Variants in SLC41A2 observed in about 807,000 individuals in gnomAD.
SLC41A2 encodes the protein SLC41A1-like 1.
In SLC41A2, 32 loss-of-function variants were observed where a neutral mutation model predicts 58.3. That is an observed-to-expected ratio of 0.55 (90% confidence interval 0.41 to 0.74). The LOEUF (loss-of-function observed/expected upper bound fraction) is 0.74. SLC41A2 is among the 30% of genes least tolerant of loss of function. The pLI is 0.00. For missense variants in SLC41A2, 514 were observed against 680.6 expected, an observed-to-expected ratio of 0.76 and a Z score of 2.72; for synonymous variants, 190 against 235.0, an observed-to-expected ratio of 0.81 and a Z score of 1.75.
intron 5 of SLC41A2, 139 bp downstream of exon 5, chr12:104,888,894 T>G: frequency 2.3e-6 from 2 of 874,684 alleles, no homozygotes; most frequent in Non-Finnish European, 3.3e-6. Context: ...CTGGAATAAC[T>G]AAGGCATTTT....
intron 8 of SLC41A2, among the ~76,000 whole-genome samples, chr12:104,852,559 T>C (rs1279369299): frequency 6.6e-6 from 1 of 152,182 alleles, no homozygotes; most frequent in Non-Finnish European, 1.5e-5. Context: ...ATAATAAATA[T>C]AAACAGTCTT....
At chr12:104,843,239 GAC>G (rs962011348) in intron 10 of SLC41A2, among the ~76,000 whole-genome samples, 2 of 151,500 alleles carry the variant, frequency 1.3e-5, no homozygotes, top group African/African-American at 4.8e-5. Context: ...TAGACTACGA[GAC>G]CTTGAGCACA....
chr12:104,853,916 T>A lies in SLC41A2; in HGVS notation c.1255+7375A>T, dbSNP rs1470494506. 2.2e-3 allele frequency among the ~76,000 whole-genome samples: 244 copies of A among 110,678 alleles called. 2 individuals are homozygous for A. Among genetic ancestry groups the A allele is most frequent in the South Asian group, 4.0e-3 (14 of 3,490 alleles). The allele number at this position is 110,678 out of a possible 152,430, so 72.6% of individuals were successfully genotyped here. A position where few individuals can be genotyped will look rare whatever the true frequency, so the allele number is the denominator to read the frequency against. ...CATGTCACCATGCCTGGCTGATTTT[T>A]TTTTTTTTTTTTTTTTTTTTTTTAG... is the stretch of plus-strand genomic sequence containing the variant. On this transcript the variant is annotated intron_variant, in intron 8 of 10. Transcript: ENST00000258538.
chr12:104,928,420 G>A lies in SLC41A2; in HGVS notation c.108C>T (p.Asp36=), dbSNP rs773672546. The A allele has an allele frequency of 2.6e-6, 4 of 1,554,708 alleles. No homozygotes were observed. The South Asian group carries it at 4.7e-5, about 18-fold the overall frequency. The change falls in exon 2 of 11, where the codon GAC becomes GAT. Residue 36 remains aspartate (D), a synonymous_variant. Transcript: ENST00000258538. ...WTLRLNTIQS[D]KFLNLLLSMV... ...TACTCAAGAGTAAATTTAAAAACTTGTCGGATTGAATTGTGTTTAAACGTA... is the reference window on the plus strand; with the variant it reads ...TACTCAAGAGTAAATTTAAAAACTTATCGGATTGAATTGTGTTTAAACGTA...
chr12:104,847,465 T>C (rs183660884), intron 8 of SLC41A2, among the ~76,000 whole-genome samples: 1 of 151,760 alleles, frequency 6.6e-6, no homozygotes, highest in Non-Finnish European at 1.5e-5. Context: ...ACTAGCTTGG[T>C]GTGGTGGCGC....
At chr12:104,922,869 G>A (rs1005750500) in intron 2 of SLC41A2, among the ~76,000 whole-genome samples, 4 of 152,084 alleles carry the variant, frequency 2.6e-5, no homozygotes, top group African/African-American at 9.7e-5. Context: ...TCAATAAGAA[G>A]ATGAACCTCA....
intron 1 of SLC41A2, among the ~76,000 whole-genome samples, chr12:104,947,833 T>A (rs962137958): frequency 9.2e-5 from 14 of 152,104 alleles, no homozygotes; most frequent in Admixed American, 3.3e-4. Flanking sequence ...TATATTTTAA[T>A]TTACAAAGGA....
At chr12:104,948,599 T>C (rs372331800) in intron 1 of SLC41A2, among the ~76,000 whole-genome samples, 2 of 152,310 alleles carry the variant, frequency 1.3e-5, no homozygotes, top group African/African-American at 2.4e-5. Flanking sequence ...GTTACAACGT[T>C]AGTAAGATAA....
chr12:104,892,328 A>AAAAAAAAAAAAAAAAAAAC (rs1272873332), intron 4 of SLC41A2, among the ~76,000 whole-genome samples: 18 of 126,900 alleles, frequency 1.4e-4, no homozygotes, highest in African/African-American at 5.6e-4. Context: ...AAATAAAATA[A>AAAAAAAAAAAAAAAAAAAC]AATAAAATAT....
chr12:104,956,093 T>C (rs1037494564), intron 1 of SLC41A2, among the ~76,000 whole-genome samples: 23 of 152,168 alleles, frequency 1.5e-4, no homozygotes, highest in African/African-American at 5.6e-4. Context: ...GAGCATAGAA[T>C]ATATGAAAAT....
intron 10 of SLC41A2, among the ~76,000 whole-genome samples, chr12:104,809,487 T>C (rs2041077086): frequency 1.3e-5 from 2 of 152,248 alleles, no homozygotes; most frequent in Admixed American, 1.3e-4. Flanking sequence ...GGTTGTACTT[T>C]AAGCCCTATT....
chr12:104,825,316 AG>A (rs754690768), intron 10 of SLC41A2, among the ~76,000 whole-genome samples: 1 of 152,116 alleles, frequency 6.6e-6, no homozygotes, highest in Non-Finnish European at 1.5e-5. Context: ...AACAGTCACA[AG>A]GGGGGCAGGA....
intron 2 of SLC41A2, among the ~76,000 whole-genome samples, chr12:104,924,730 G>C (rs963271621): frequency 2.6e-5 from 4 of 151,116 alleles, no homozygotes; most frequent in African/African-American, 9.7e-5. Flanking sequence ...GGCAACAAGA[G>C]TGAAACTCTG....
intron 10 of SLC41A2, among the ~76,000 whole-genome samples, chr12:104,822,138 GA>G (rs1211025528): frequency 2.6e-5 from 4 of 151,264 alleles, no homozygotes; most frequent in Non-Finnish European, 5.9e-5. Flanking sequence ...GAAGGAAAAA[GA>G]AAAAAAAGTG....
chr12:104,948,389 A>C (rs541804792), intron 1 of SLC41A2, among the ~76,000 whole-genome samples: 2 of 152,214 alleles, frequency 1.3e-5, no homozygotes, highest in East Asian at 3.9e-4. Context: ...AGTCCTAAAA[A>C]ATATATAAAA....
At chr12:104,920,344 A>C (rs1433885277) in intron 2 of SLC41A2, among the ~76,000 whole-genome samples, 1 of 152,192 alleles carries the variant, frequency 6.6e-6, no homozygotes, top group Non-Finnish European at 1.5e-5. Flanking sequence ...CTGGAATTTA[A>C]AAGGGAATTC....
intron 3 of SLC41A2, among the ~76,000 whole-genome samples, chr12:104,903,615 A>G (rs2045666098): frequency 6.6e-6 from 1 of 152,228 alleles, no homozygotes; most frequent in South Asian, 2.1e-4. Flanking sequence ...TTTGAGAACT[A>G]CTGATCTAAC....
chr12:104,870,913 T>G (rs1459947934), intron 6 of SLC41A2, among the ~76,000 whole-genome samples: 3 of 152,200 alleles, frequency 2.0e-5, no homozygotes, highest in African/African-American at 7.2e-5. Flanking sequence ...AGGGAACTGA[T>G]ACTCTAGAAA....
intron 1 of SLC41A2, among the ~76,000 whole-genome samples, chr12:104,937,694 T>G (rs1193407887): frequency 6.6e-6 from 1 of 152,184 alleles, no homozygotes; most frequent in African/African-American, 2.4e-5. Flanking sequence ...CAAAGTGTGG[T>G]CTTGGGTCCA....
Sources: gnomAD v4.1 joint callset for allele counts (sites outside exome capture counted in the v4.1 genomes callset) on GRCh38, gnomAD v4.1.1 for gene constraint, MANE v1.5 for transcripts, NCBI Gene and HGNC (gene_info 2026-07-23, HGNC 2026-07-21) for gene names.